The following OTOGL variants were observed in gnomAD, a reference collection of about 807,000 sequenced individuals.
OTOGL encodes the protein otogelin like, also known as otogelin-like protein.
A neutral mutation model predicts 318.5 loss-of-function variants in OTOGL; 285 were observed. That is an observed-to-expected ratio of 0.89 (90% CI 0.81 to 0.99). The LOEUF (loss-of-function observed/expected upper bound fraction) is 0.99. OTOGL is among the 50% of genes least tolerant of loss of function. OTOGL has a pLI of 0.00. For synonymous variants in OTOGL, 987 were observed against 936.5 expected (o/e 1.05, Z -0.99); for missense variants, 2,899 against 2,845.6 (o/e 1.02, Z -0.43).
intron 34 of OTOGL, among the ~76,000 whole-genome samples, chr12:80,321,197 C>G (rs940915091): frequency 6.6e-5 from 10 of 152,170 alleles, no homozygotes; most frequent in African/African-American, 2.2e-4. Context: ...GAAACCTAAT[C>G]TTACTTCTAG....
At position 80,238,985 on chromosome 12, in the gene OTOGL, T is replaced by A. The variant is rs1565920262; in HGVS notation, c.945+7T>A. 6.3e-7 allele frequency: 1 copy of A among 1,594,330 alleles called. No homozygotes were observed. Among genetic ancestry groups the A allele is most frequent in the Non-Finnish European group, 8.5e-7 (1 of 1,177,996 alleles). On this transcript the variant is annotated splice_region_variant and intron_variant, in intron 10 of 58. Transcript: ENST00000547103. The stretch of plus-strand genomic sequence containing the variant: ...TGGAATGCCAGCATTTGAGGTAAAT[T>A]TGATGTGAGAAATGTGGGCATGTCA...
chr12:80,191,820 C>G (rs1875717391), intron 1 of OTOGL, among the ~76,000 whole-genome samples: 1 of 152,190 alleles, frequency 6.6e-6, no homozygotes, highest in Non-Finnish European at 1.5e-5. Flanking sequence ...AATCATCTCG[C>G]TCTCTTGTGA....
At chr12:80,169,277 T>C (rs1401380808) in intron 1 of OTOGL, among the ~76,000 whole-genome samples, 1 of 152,172 alleles carries the variant, frequency 6.6e-6, no homozygotes, top group Admixed American at 6.5e-5. Context: ...ATTTCCATCC[T>C]CACAGTATGT....
At chr12:80,154,774 T>C (rs1873011446) in intron 1 of OTOGL, among the ~76,000 whole-genome samples, 1 of 152,198 alleles carries the variant, frequency 6.6e-6, no homozygotes, top group Admixed American at 6.5e-5. Flanking sequence ...TGTGGACAGT[T>C]TTCAGCTCCT....
At chr12:80,235,962 C>G (rs1426731957) in intron 9 of OTOGL, among the ~76,000 whole-genome samples, 1 of 152,112 alleles carries the variant, frequency 6.6e-6, no homozygotes, top group Admixed American at 6.5e-5. Context: ...TTACCTTTAG[C>G]TTTAAGAAGC....
At chr12:80,321,728 G>T (rs1887348791) in intron 34 of OTOGL, among the ~76,000 whole-genome samples, 1 of 152,134 alleles carries the variant, frequency 6.6e-6, no homozygotes, top group Non-Finnish European at 1.5e-5. Flanking sequence ...TCAGAACAAA[G>T]AAAAAGAAGC....
At chr12:80,282,980 A>G (rs1884346884) in intron 26 of OTOGL, among the ~76,000 whole-genome samples, 1 of 151,916 alleles carries the variant, frequency 6.6e-6, no homozygotes, top group African/African-American at 2.4e-5. Flanking sequence ...ACAAGGGAGG[A>G]GCACCATGCT....
intron 22 of OTOGL, 94 bp downstream of exon 22, chr12:80,267,421 CT>C: frequency 3.6e-6 from 2 of 557,722 alleles, no homozygotes; most frequent in South Asian, 1.4e-4. Context: ...TTTTATTATA[CT>C]TTAAGTTCTA....
intron 1 of OTOGL, chr12:80,102,865 T>C: frequency 1.3e-6 from 1 of 752,996 alleles, no homozygotes. Flanking sequence ...TCTCCTTTGT[T>C]TCAAGTTTTA....
intron 44 of OTOGL, chr12:80,343,526 T>TTTTAAC (rs1284245758): frequency 1.7e-5 from 2 of 118,160 alleles, no homozygotes; most frequent in Non-Finnish European, 3.2e-5. Context: ...TTTTTTTTTT[T>TTTTAAC]TTTTTTTTTT....
intron 1 of OTOGL, among the ~76,000 whole-genome samples, chr12:80,170,475 C>T (rs749677106): frequency 4.6e-5 from 7 of 151,696 alleles, no homozygotes; most frequent in Non-Finnish European, 7.4e-5. Flanking sequence ...ACTCTGTTGC[C>T]CAGGCTGGAG....
At chr12:80,144,849 G>A (rs1403149605) in intron 1 of OTOGL, among the ~76,000 whole-genome samples, 1 of 152,066 alleles carries the variant, frequency 6.6e-6, no homozygotes, top group Non-Finnish European at 1.5e-5. Context: ...CTGCATAAAT[G>A]TCTTCTTTTG....
chr12:80,140,177 C>T (rs1395717159), intron 1 of OTOGL, among the ~76,000 whole-genome samples: 2 of 152,142 alleles, frequency 1.3e-5, no homozygotes, highest in East Asian at 3.8e-4. Context: ...CATGTGGATT[C>T]TAGCACTGAT....
intron 19 of OTOGL, among the ~76,000 whole-genome samples, chr12:80,264,111 T>C (rs17006566): frequency 0.031 from 4,648 of 152,212 alleles, 277 homozygotes; most frequent in African/African-American, 0.11. Context: ...GCTTATCTGG[T>C]CTGTAAAAGA....
intron 35 of OTOGL, 58 bp from the exon 36 acceptor site, chr12:80,328,607 T>C: frequency 7.7e-7 from 1 of 1,306,260 alleles, no homozygotes; most frequent in East Asian, 2.4e-5. Flanking sequence ...ATGTAGTCCT[T>C]TTTTTTTTGT....
intron 26 of OTOGL, among the ~76,000 whole-genome samples, chr12:80,293,554 C>G (rs752359860): frequency 6.6e-6 from 1 of 152,130 alleles, no homozygotes; most frequent in Non-Finnish European, 1.5e-5. Flanking sequence ...TGTGACTGCT[C>G]TATTTTCTGC....
chr12:80,305,243 T>C (rs746842182), intron 28 of OTOGL, among the ~76,000 whole-genome samples: 20 of 152,324 alleles, frequency 1.3e-4, no homozygotes, highest in Non-Finnish European at 2.5e-4. Context: ...ACATATACAT[T>C]TGCATACACA....
intron 1 of OTOGL, among the ~76,000 whole-genome samples, chr12:80,204,249 C>A (rs1403053054): frequency 2.6e-5 from 4 of 152,070 alleles, no homozygotes; most frequent in African/African-American, 7.2e-5. Context: ...ACAGTAATGC[C>A]ATATCTCCAA....
At chr12:80,247,847 C>A in intron 11 of OTOGL, among the ~76,000 whole-genome samples, 2 of 33,690 alleles carry the variant, frequency 5.9e-5, no homozygotes, top group Non-Finnish European at 5.3e-5. Context: ...TCTGGGTGCT[C>A]CTGTATTGGG....
Sources: gnomAD v4.1 joint callset for allele counts (sites outside exome capture counted in the v4.1 genomes callset) on GRCh38, gnomAD v4.1.1 for gene constraint, MANE v1.5 for transcripts, NCBI Gene and HGNC (gene_info 2026-07-23, HGNC 2026-07-21) for gene names.